APBB2: variants seen among roughly 807,000 people sequenced by gnomAD.
APBB2 encodes the protein Fe65-like 1.
A neutral mutation model predicts 82.5 loss-of-function variants in APBB2; 38 were observed. The ratio of observed to expected loss-of-function variants is 0.46; its 90% confidence interval spans 0.36 to 0.60. The LOEUF (loss-of-function observed/expected upper bound fraction) is 0.60, where lower values mean the gene tolerates loss of function less well. Ranked by LOEUF, APBB2 falls within the 20% of genes least tolerant of loss-of-function variation. The pLI is 0.00. For synonymous variants in APBB2, 341 were observed against 368.2 expected, an observed-to-expected ratio of 0.93 and a Z score of 0.85; for missense variants, 772 against 972.3, an observed-to-expected ratio of 0.79 and a Z score of 2.74.
intron 10 of APBB2, among the ~76,000 whole-genome samples, chr4:40,919,188 G>A (rs539574034): frequency 1.5e-4 from 22 of 151,530 alleles, no homozygotes; most frequent in Admixed American, 6.6e-4. Context: ...AAAAGGGACA[G>A]TAATTCATTC....
intron 4 of APBB2, among the ~76,000 whole-genome samples, chr4:41,041,633 A>G (rs919622367): frequency 2.0e-5 from 3 of 152,240 alleles, no homozygotes; most frequent in African/African-American, 4.8e-5. Flanking sequence ...GTGGCAATAA[A>G]GGTCCAAGAA....
intron 1 of APBB2, among the ~76,000 whole-genome samples, chr4:41,184,026 A>G (rs1772178196): frequency 6.6e-6 from 1 of 151,668 alleles, no homozygotes; most frequent in Admixed American, 6.6e-5. Flanking sequence ...GGAGACAGCG[A>G]CAGATCATCA....
intron 6 of APBB2, among the ~76,000 whole-genome samples, chr4:40,999,485 C>G (rs1406012884): frequency 6.6e-6 from 1 of 152,152 alleles, no homozygotes; most frequent in Non-Finnish European, 1.5e-5. Context: ...GTCCTGGGCA[C>G]TGTTTATTCT....
intron 1 of APBB2, among the ~76,000 whole-genome samples, chr4:41,208,593 C>T (rs750555520): frequency 3.9e-5 from 6 of 152,090 alleles, no homozygotes; most frequent in South Asian, 2.1e-4. Flanking sequence ...TTAAAAAAAA[C>T]GACACTCTTC....
intron 2 of APBB2, chr4:41,137,892 A>C (rs1185958811): frequency 3.3e-5 from 5 of 152,226 alleles, no homozygotes; most frequent in African/African-American, 9.6e-5. Context: ...CCAAAATGTA[A>C]AGGGTAAAGC....
chr4:40,831,057 C>A (rs147891758), intron 12 of APBB2, among the ~76,000 whole-genome samples: 230 of 152,318 alleles, frequency 1.5e-3, no homozygotes, highest in African/African-American at 5.2e-3. Context: ...TATAATCGTA[C>A]CACTGCACTC....
intron 1 of APBB2, among the ~76,000 whole-genome samples, chr4:41,156,682 G>C (rs1212664219): frequency 1.3e-5 from 2 of 152,192 alleles, no homozygotes; most frequent in Non-Finnish European, 2.9e-5. Flanking sequence ...CTGAGTCTGA[G>C]AGAAATGGGT....
At chr4:41,195,639 T>C in intron 1 of APBB2, among the ~76,000 whole-genome samples, 1 of 152,148 alleles carries the variant, frequency 6.6e-6, no homozygotes. Context: ...CCTTCACATC[T>C]TCGTTGGCAG....
chr4:41,044,656 A>G (rs1030772661), intron 4 of APBB2, among the ~76,000 whole-genome samples: 1 of 152,204 alleles, frequency 6.6e-6, no homozygotes, highest in Non-Finnish European at 1.5e-5. Flanking sequence ...TGAATACCTT[A>G]GGTATGACTT....
intron 2 of APBB2, among the ~76,000 whole-genome samples, chr4:41,108,863 C>T (rs1458559453): frequency 6.6e-6 from 1 of 152,202 alleles, no homozygotes; most frequent in African/African-American, 2.4e-5. Flanking sequence ...AAAACTGCAG[C>T]TTCCTCTTTT....
chr4:40,883,666 T>A (rs1041347796), intron 12 of APBB2, among the ~76,000 whole-genome samples: 5 of 145,342 alleles, frequency 3.4e-5, no homozygotes, highest in African/African-American at 1.3e-4. Flanking sequence ...GACCCCCGAA[T>A]GCTGCTAGTA....
At chr4:40,930,604 T>G (rs1414853291) in intron 10 of APBB2, among the ~76,000 whole-genome samples, 3 of 152,226 alleles carry the variant, frequency 2.0e-5, no homozygotes, top group Non-Finnish European at 4.4e-5. Flanking sequence ...GTCCCCATCC[T>G]GACAGTCTAA....
intron 12 of APBB2, chr4:40,879,871 T>C (rs183981871): frequency 6.9e-6 from 2 of 289,408 alleles, no homozygotes; most frequent in Admixed American, 6.5e-5. Flanking sequence ...TTTGTATTTT[T>C]AGTAGAGACA....
intron 10 of APBB2, among the ~76,000 whole-genome samples, chr4:40,923,737 C>T (rs1378555613): frequency 2.0e-5 from 3 of 152,196 alleles, no homozygotes; most frequent in East Asian, 1.9e-4. Context: ...CATCAGAGGG[C>T]GCAGCTGCCA....
chr4:41,139,072 T>A (rs555205971), intron 2 of APBB2, among the ~76,000 whole-genome samples: 63 of 152,216 alleles, frequency 4.1e-4, no homozygotes, highest in Admixed American at 1.6e-3. Flanking sequence ...TTGAAAGATA[T>A]TAAAGAAAAC....
intron 12 of APBB2, among the ~76,000 whole-genome samples, chr4:40,831,104 A>AT (rs989131329): frequency 6.6e-6 from 1 of 152,138 alleles, no homozygotes; most frequent in Non-Finnish European, 1.5e-5. Flanking sequence ...GCCTCTAAAA[A>AT]TTTTTTTAAA....
At chr4:41,149,535 A>G (rs1050117487) in intron 1 of APBB2, among the ~76,000 whole-genome samples, 2 of 152,122 alleles carry the variant, frequency 1.3e-5, no homozygotes, top group African/African-American at 4.8e-5. Context: ...ATTAATCTCT[A>G]ATAATCTGAA....
intron 12 of APBB2, among the ~76,000 whole-genome samples, chr4:40,848,564 T>G (rs989996309): frequency 1.3e-5 from 2 of 152,232 alleles, no homozygotes; most frequent in Non-Finnish European, 2.9e-5. Flanking sequence ...TTTCTCTCTC[T>G]GTCCCCATTG....
chr4:41,038,493 C>T (rs2154446023), intron 4 of APBB2, among the ~76,000 whole-genome samples: 1 of 152,260 alleles, frequency 6.6e-6, no homozygotes, highest in African/African-American at 2.4e-5. Context: ...CTAATTCCTC[C>T]CCATACATTG....
Sources: allele counts gnomAD v4.1 joint callset (sites outside exome capture counted in the v4.1 genomes callset), GRCh38; gene constraint gnomAD v4.1.1; transcripts MANE v1.5; gene names NCBI Gene and HGNC (gene_info 2026-07-23, HGNC 2026-07-21).